The following MAP3K2 variants were observed in gnomAD, a reference collection of about 807,000 sequenced individuals.
MAP3K2 encodes MAP/ERK kinase kinase 2.
Under a neutral mutation model 80.3 loss-of-function variants are expected in MAP3K2, and 24 were observed. That is an observed-to-expected ratio of 0.30 (90% CI 0.22 to 0.42). The LOEUF is 0.42. Ranked by LOEUF, MAP3K2 falls within the 10% of genes least tolerant of loss-of-function variation. The pLI, the probability that MAP3K2 is intolerant of heterozygous loss-of-function variation, is 1.00. For synonymous variants in MAP3K2, 244 were observed against 253.7 expected (o/e 0.96, Z 0.36); for missense variants, 608 against 750.1 (o/e 0.81, Z 2.21).
rs867511657 is a variant in MAP3K2 at position 127,365,420 on chromosome 2, G to A, written c.-66+22032C>T. Among the ~76,000 whole-genome samples the A allele has an allele frequency of 4.5e-4, 68 of 152,234 alleles. No homozygotes were observed. In the Middle Eastern group the frequency reaches 0.014, roughly 30 times the overall value. ...GTGGCAGTTTATACTGTGTCAACCT[G>A]GTTACATCCAAACTACATTTCCCAG... On this transcript the variant is annotated intron_variant, in intron 1 of 16. Transcript: ENST00000682094.
At chr2:127,318,003 ACATAT>A (rs1685940030) in intron 13 of MAP3K2, among the ~76,000 whole-genome samples, 161 bp downstream of exon 13, 1 of 151,952 alleles carries the variant, frequency 6.6e-6, no homozygotes, top group Middle Eastern at 3.2e-3. Flanking sequence ...AAATAGACAA[ACATAT>A]CTAATCTGTT....
rs190329787 is a variant in MAP3K2, at chr2:127,386,480, C to A, written c.-66+972G>T. ...CATAATCCAGCAACAAATTTTGCAA[C>A]AAGGAAATCTCAAGCAAATAACCCA... On this transcript the variant is annotated intron_variant, in intron 1 of 16. Coordinates refer to ENST00000682094, the MANE Select transcript of MAP3K2 (RefSeq NM_001371910.2). Among the ~76,000 whole-genome samples the A allele has an allele frequency of 2.3e-3, 355 of 152,258 alleles. 1 individual carries two copies. The highest frequency in any genetic ancestry group is 7.8e-3 in the African/African-American group (322 of 41,534).
chr2:127,387,904 G>T lies in MAP3K2; in HGVS notation c.-518C>A. On this transcript the variant is annotated 5_prime_UTR_variant, in exon 1 of 17. Transcript: ENST00000682094. ...CAACCCCCGAACGCTGCGCCCAGCG[G>T]CCGCGGCACCCTCGTCAGGCGCCGC... The T allele has an allele frequency of 1.0e-6, 1 of 982,116 alleles. No individual in the cohort carries two copies. Among genetic ancestry groups the T allele is most frequent in the Non-Finnish European group, 1.2e-6 (1 of 827,166 alleles). 60.8% of individuals were successfully genotyped at this position (982,116 alleles called of 1,614,324 possible).
chr2:127,365,393 C>G (rs920753293), intron 1 of MAP3K2, among the ~76,000 whole-genome samples: 1 of 146,642 alleles, frequency 6.8e-6, no homozygotes, highest in Admixed American at 6.8e-5. Flanking sequence ...TCCTTAACTG[C>G]TGTGGCAGTT....
Position 127,322,300 on chromosome 2 carries a change from T to A in MAP3K2, c.839-48A>T. On this transcript the variant is annotated intron_variant, in intron 11 of 16. Coordinates refer to ENST00000682094, the MANE Select transcript of MAP3K2 (RefSeq NM_001371910.2). The surrounding 1 kb of genome is among the most constrained non-coding windows in gnomAD (Gnocchi z 4.2). ...CCTTATACCTTTTATTAATATGTTA[T>A]ACTTTTAAAGTATTTAAAATTTGTA... 1 of 1,223,590 alleles carries A rather than the reference T, an allele frequency of 8.2e-7. No homozygotes were observed. The highest frequency in any genetic ancestry group is 1.2e-6 in the Non-Finnish European group (1 of 861,444). The allele number at this position is 1,223,590 out of a possible 1,614,324, so 75.8% of individuals were successfully genotyped here.
Position 127,307,535 on chromosome 2 carries a change from A to C in MAP3K2, c.*44T>G, listed in dbSNP as rs1255413877. 7.7e-7 allele frequency: 1 copy of C among 1,303,098 alleles called. No individual in the cohort carries two copies. The allele number at this position is 1,303,098 out of a possible 1,614,324, so 80.7% of individuals were successfully genotyped here. On this transcript the variant is annotated 3_prime_UTR_variant, in exon 17 of 17. Transcript: ENST00000682094. The surrounding 1 kb of genome is among the most constrained non-coding windows in gnomAD (Gnocchi z 5.4). The stretch of plus-strand genomic sequence containing the variant: ...AGTGCAGTCAGAGAGAAGGTGAATG[A>C]ATAGATGGGAGCTAGGTAGAGGCAC...
At chr2:127,349,158 TTTTC>T (rs1424528433) in intron 1 of MAP3K2, among the ~76,000 whole-genome samples, 4 of 143,334 alleles carry the variant, frequency 2.8e-5, no homozygotes, top group Admixed American at 1.4e-4. Context: ...TGTTCCTTTC[TTTTC>T]TTTCTTTTTT....
Position 127,304,091 on chromosome 2 carries a change from T to C in MAP3K2, c.*3488A>G, listed in dbSNP as rs149167428. 1.2e-3 allele frequency: 179 copies of C among 152,320 alleles called. No individual in the cohort carries two copies. The highest frequency in any genetic ancestry group is 4.2e-3 in the African/African-American group (175 of 41,588). The allele number at this position is 152,320 out of a possible 1,614,324, so 9.4% of individuals were successfully genotyped here. On this transcript the variant is annotated 3_prime_UTR_variant, in exon 17 of 17. Coordinates refer to ENST00000682094, the MANE Select transcript of MAP3K2 (RefSeq NM_001371910.2). Reference sequence around the variant, plus strand: ...TCCAATTCACTCTGAAATCAAGGTTTAAAATTTTCTTTTACAGTTCAGCAA... The same window carrying C: ...TCCAATTCACTCTGAAATCAAGGTTCAAAATTTTCTTTTACAGTTCAGCAA...
chr2:127,308,676 C>G lies in MAP3K2; in HGVS notation c.1543G>C (p.Gly515Arg). Residue 515 changes from glycine (G) to arginine (R), a missense_variant, in exon 16 of 17, where the codon GGG becomes CGG. Physicochemically the swap from Gly to Arg is moderately radical, Grantham distance 125. This residue lies in a region of MAP3K2 where 88 missense variants were observed against 132.4 expected (regional missense o/e 0.66). Coordinates refer to ENST00000682094, the MANE Select transcript of MAP3K2 (RefSeq NM_001371910.2). ...SKRLQTICLS[G>R]TGMKSVTGTP... ...CCCGTGACAGACTTCATTCCTGTCCCTGAGAGACAGATGGTCTGAAGCCGT... is the reference window on the plus strand; with the variant it reads ...CCCGTGACAGACTTCATTCCTGTCCGTGAGAGACAGATGGTCTGAAGCCGT... 6.2e-7 allele frequency: 1 copy of G among 1,613,968 alleles called. No individual in the cohort carries two copies. Among genetic ancestry groups the G allele is most frequent in the African/African-American group, 1.3e-5 (1 of 75,046 alleles).
chr2:127,367,725 G>A lies in MAP3K2; in HGVS notation c.-66+19727C>T, dbSNP rs368117083. Among the ~76,000 whole-genome samples the A allele has an allele frequency of 8.5e-5, 13 of 152,090 alleles. 1 individual carries two copies. The highest frequency in any genetic ancestry group is 1.9e-4 in the East Asian group (1 of 5,132). On this transcript the variant is annotated intron_variant, in intron 1 of 16. Coordinates refer to ENST00000682094, the MANE Select transcript of MAP3K2 (RefSeq NM_001371910.2). ...CGAGAATGGCTTGAATGCAGGAGGC[G>A]GACGTTGTGGTGAGCCAAGATCGCA... is the stretch of plus-strand genomic sequence containing the variant.
At chr2:127,342,078 A>T (rs1686504174) in intron 2 of MAP3K2, among the ~76,000 whole-genome samples, 1 of 152,220 alleles carries the variant, frequency 6.6e-6, no homozygotes, top group Non-Finnish European at 1.5e-5. Flanking sequence ...ACTATAGAGC[A>T]GTATTATTTG....
intron 1 of MAP3K2, among the ~76,000 whole-genome samples, chr2:127,356,285 C>A (rs1011468141): frequency 1.3e-5 from 2 of 152,092 alleles, no homozygotes; most frequent in Non-Finnish European, 2.9e-5. Flanking sequence ...TCCGATTGAT[C>A]AGAACAATCT....
intron 1 of MAP3K2, among the ~76,000 whole-genome samples, chr2:127,384,210 A>G (rs1204826582): frequency 8.8e-6 from 1 of 113,558 alleles, no homozygotes; most frequent in Non-Finnish European, 1.9e-5. Flanking sequence ...ATAATTTTTA[A>G]TTGATATATA....
chr2:127,313,858 T>C (rs1429939305), intron 15 of MAP3K2, among the ~76,000 whole-genome samples: 2 of 152,150 alleles, frequency 1.3e-5, no homozygotes, highest in Non-Finnish European at 2.9e-5. Context: ...TATTAACAGA[T>C]GGGGTCTCGC....
chr2:127,354,012 G>C (rs898871925), intron 1 of MAP3K2, among the ~76,000 whole-genome samples: 1 of 151,926 alleles, frequency 6.6e-6, no homozygotes, highest in African/African-American at 2.4e-5. Flanking sequence ...GGCGGTACAA[G>C]ATGTGCTTTG....
chr2:127,387,773 C>T lies in MAP3K2; in HGVS notation c.-387G>A. On this transcript the variant is annotated 5_prime_UTR_variant, in exon 1 of 17. Coordinates refer to ENST00000682094, the MANE Select transcript of MAP3K2 (RefSeq NM_001371910.2). Reference sequence around the variant, plus strand: ...GGAACTGGGCAGGAAAGGAGGAAGCCGCGGGCCCGCGTCGCTAGAGACCGG... The same window carrying T: ...GGAACTGGGCAGGAAAGGAGGAAGCTGCGGGCCCGCGTCGCTAGAGACCGG... 1.0e-6 allele frequency: 1 copy of T among 985,188 alleles called. No individual in the cohort carries two copies. The highest frequency in any genetic ancestry group is 1.2e-6 in the Non-Finnish European group (1 of 829,798). 61.0% of individuals were successfully genotyped at this position (985,188 alleles called of 1,614,324 possible). A position where few individuals can be genotyped will look rare whatever the true frequency, so the allele number is the denominator to read the frequency against.
At chr2:127,317,846 A>T in intron 13 of MAP3K2, 86 bp from the exon 14 acceptor site, 1 of 1,286,588 alleles carries the variant, frequency 7.8e-7, no homozygotes. Context: ...AGGTGATTTC[A>T]TTCTGAAAAT....
intron 1 of MAP3K2, among the ~76,000 whole-genome samples, chr2:127,358,922 A>G (rs1229694577): frequency 6.6e-6 from 1 of 152,106 alleles, no homozygotes; most frequent in African/African-American, 2.4e-5. Context: ...AACAATAAAA[A>G]AAAAAAAAAA....
intron 14 of MAP3K2, chr2:127,317,017 A>C (rs905379982): frequency 6.6e-6 from 1 of 151,674 alleles, no homozygotes; most frequent in African/African-American, 2.4e-5. Flanking sequence ...AACAAAATCC[A>C]CAAGAATGCT....
Sources: gnomAD v4.1 joint callset for allele counts (sites outside exome capture counted in the v4.1 genomes callset) on GRCh38, gnomAD v4.1.1 for gene constraint, gnomAD v4.1.1 regional missense constraint, Gnocchi (gnomAD v3.1) non-coding constraint, MANE v1.5 for transcripts, NCBI Gene and HGNC (gene_info 2026-07-23, HGNC 2026-07-21) for gene names.